Variants in KAZN observed in about 807,000 individuals in gnomAD.
The protein encoded by KAZN is kazrin, periplakin interacting protein, also known as kazrin.
KAZN carries 40 observed loss-of-function variants against 87.4 expected under a neutral mutation model. The observed-to-expected ratio is 0.46, with a 90% confidence interval of 0.36 to 0.60. KAZN has a LOEUF of 0.60. Among genes scored for constraint, KAZN ranks in the 20% least tolerant of loss-of-function variants. The pLI is 0.00. For synonymous variants in KAZN, 466 were observed against 458.3 expected, an observed-to-expected ratio of 1.02 and a Z score of -0.22; for missense variants, 898 against 1,073.9, an observed-to-expected ratio of 0.84 and a Z score of 2.29.
intron 1 of KAZN, among the ~76,000 whole-genome samples, chr1:14,137,590 A>G (rs1645134596): frequency 6.6e-6 from 1 of 152,064 alleles, no homozygotes; most frequent in African/African-American, 2.4e-5. Flanking sequence ...GCAAAATAAG[A>G]ATGATAATAA....
chr1:15,106,999 T>G (rs1047105111), intron 13 of KAZN, among the ~76,000 whole-genome samples: 10 of 152,072 alleles, frequency 6.6e-5, no homozygotes, highest in Non-Finnish European at 1.3e-4. Flanking sequence ...TTGAAGGCAA[T>G]ATGGCCTGTC....
chr1:14,379,385 T>G (rs944929044), intron 2 of KAZN, among the ~76,000 whole-genome samples: 1 of 151,966 alleles, frequency 6.6e-6, no homozygotes, highest in Non-Finnish European at 1.5e-5. Context: ...GGACTTTGTT[T>G]TTCACCTTAG....
intron 1 of KAZN, among the ~76,000 whole-genome samples, chr1:14,681,912 C>T (rs1009195832): frequency 2.0e-5 from 3 of 151,488 alleles, no homozygotes; most frequent in East Asian, 3.9e-4. Context: ...AGGATGGTCT[C>T]GATCTCCTGA....
At position 14,923,300 on chromosome 1, in the gene KAZN, G is replaced by A. The variant is rs185936305; in HGVS notation, c.227-37384G>A. 1.3e-5 allele frequency among the ~76,000 whole-genome samples: 2 copies of A among 152,148 alleles called. No homozygotes were observed. The highest frequency in any genetic ancestry group is 6.5e-5 in the Admixed American group (1 of 15,276). On this transcript the variant is annotated intron_variant, in intron 1 of 14. Coordinates refer to ENST00000376030, the MANE Select transcript of KAZN (RefSeq NM_201628.3). This position sits in a 1 kb window ranked among gnomAD's most constrained non-coding sequence, Gnocchi z 4.2. The stretch of plus-strand genomic sequence containing the variant: ...ATAATTAGTCTTTCTAAACAGCATC[G>A]TAATCCCCAGATCAAAGGGGGCTCA...
At chr1:14,207,273 A>G (rs370415715) in intron 2 of KAZN, among the ~76,000 whole-genome samples, 2 of 151,930 alleles carry the variant, frequency 1.3e-5, no homozygotes, top group Non-Finnish European at 2.9e-5. Flanking sequence ...CCATTTTTAC[A>G]TCCTTTTTTA....
intron 2 of KAZN, among the ~76,000 whole-genome samples, chr1:14,369,203 A>C (rs991283421): frequency 6.6e-6 from 1 of 152,174 alleles, no homozygotes; most frequent in Admixed American, 6.5e-5. Flanking sequence ...TCTCAGGAGA[A>C]ATGTTCTCGA....
intron 2 of KAZN, among the ~76,000 whole-genome samples, chr1:14,579,514 A>G (rs2148559546): frequency 6.6e-6 from 1 of 152,122 alleles, no homozygotes; most frequent in East Asian, 1.9e-4. Flanking sequence ...AGTCCCAGCT[A>G]CTCAGGAGGC....
At chr1:14,627,217 C>T (rs1205091227) in intron 1 of KAZN, among the ~76,000 whole-genome samples, 2 of 151,748 alleles carry the variant, frequency 1.3e-5, no homozygotes, top group African/African-American at 4.8e-5. Context: ...TGTGAAGGAG[C>T]CAGCCATGGG....
Position 14,265,374 on chromosome 1 carries a change from G to C in KAZN, c.249+84782G>C, listed in dbSNP as rs373176587. Among the ~76,000 whole-genome samples, 76 of 152,252 alleles carry C rather than the reference G, an allele frequency of 5.0e-4. No homozygotes were observed. In the South Asian group the frequency reaches 7.1e-3, roughly 14 times the overall value. ...GCACCAAGATTGTTATACCACCTAC[G>C]CATTATCACAACTCCAATAAGTATG... On this transcript the variant is annotated intron_variant, in intron 2 of 16. Transcript: ENST00000636203.
At chr1:14,002,241 T>C (rs1319904185) in intron 1 of KAZN, among the ~76,000 whole-genome samples, 1 of 152,030 alleles carries the variant, frequency 6.6e-6, no homozygotes, top group Non-Finnish European at 1.5e-5. Flanking sequence ...CCAACAAACA[T>C]ATGAAAAAAA....
chr1:14,642,216 G>A (rs966591686), intron 1 of KAZN, among the ~76,000 whole-genome samples: 7 of 152,206 alleles, frequency 4.6e-5, no homozygotes, highest in East Asian at 3.9e-4. Flanking sequence ...TGGCTAACAC[G>A]GTGAAACCCC....
intron 1 of KAZN, among the ~76,000 whole-genome samples, chr1:14,799,259 G>A (rs546864763): frequency 2.6e-5 from 4 of 152,112 alleles, no homozygotes; most frequent in Non-Finnish European, 5.9e-5. Flanking sequence ...GAATGGATGC[G>A]CAATGAATCC....
chr1:15,069,658 T>C (rs1639420884), intron 8 of KAZN, among the ~76,000 whole-genome samples: 2 of 152,192 alleles, frequency 1.3e-5, no homozygotes, highest in South Asian at 4.1e-4. Flanking sequence ...AAAAAGAATC[T>C]TCTCCAGGAC....
intron 1 of KAZN, among the ~76,000 whole-genome samples, chr1:14,168,627 C>T (rs1398453892): frequency 6.6e-6 from 1 of 152,064 alleles, no homozygotes; most frequent in East Asian, 1.9e-4. Context: ...GACTTGAGTA[C>T]AAAACTGGAT....
intron 1 of KAZN, among the ~76,000 whole-genome samples, chr1:14,174,573 G>C (rs187229902): frequency 1.6e-4 from 25 of 152,270 alleles, no homozygotes; most frequent in African/African-American, 6.0e-4. Context: ...TTTTGAGTTT[G>C]TTTCTGGTGG....
intron 2 of KAZN, among the ~76,000 whole-genome samples, chr1:14,442,465 A>G (rs896839014): frequency 6.6e-6 from 1 of 152,200 alleles, no homozygotes; most frequent in Non-Finnish European, 1.5e-5. Context: ...ATCGTCACAG[A>G]GGACCTGCTG....
intron 1 of KAZN, among the ~76,000 whole-genome samples, chr1:14,806,184 G>T (rs1215648391): frequency 6.6e-6 from 1 of 152,152 alleles, no homozygotes; most frequent in African/African-American, 2.4e-5. Flanking sequence ...GCTCCTCAAG[G>T]GTGTGGCCAA....
intron 1 of KAZN, among the ~76,000 whole-genome samples, chr1:14,157,581 A>G (rs1390737686): frequency 6.6e-6 from 1 of 152,038 alleles, no homozygotes; most frequent in Non-Finnish European, 1.5e-5. Context: ...TTTCCACTGA[A>G]AAGTCTGCTG....
chr1:14,945,362 G>A lies in KAZN; in HGVS notation c.227-15322G>A, dbSNP rs1661634676. ...CCTGGAGTGTGGGAAAACGTCCCAG[G>A]CCGGAAGGGCCCTCCCCTCTGCCCC... On this transcript the variant is annotated intron_variant, in intron 1 of 14. Transcript: ENST00000376030. Among the ~76,000 whole-genome samples, 3 of 152,328 alleles carry A rather than the reference G, an allele frequency of 2.0e-5. No homozygotes were observed. In the South Asian group the frequency reaches 6.2e-4, roughly 32 times the overall value.
Sources: allele counts gnomAD v4.1 joint callset (sites outside exome capture counted in the v4.1 genomes callset), GRCh38; gene constraint gnomAD v4.1.1; non-coding constraint Gnocchi (gnomAD v3.1); transcripts MANE v1.5; gene names NCBI Gene and HGNC (gene_info 2026-07-23, HGNC 2026-07-21).